The following COLEC11 variants were observed in gnomAD, a reference collection of about 807,000 sequenced individuals.
The protein encoded by COLEC11 is collectin subfamily member 11.
Under a neutral mutation model 27.3 loss-of-function variants are expected in COLEC11, and 20 were observed. The observed-to-expected ratio is 0.73, with a 90% CI of 0.51 to 1.06. The LOEUF (loss-of-function observed/expected upper bound fraction) is 1.06, where lower values mean the gene tolerates loss of function less well. Ranked by LOEUF, COLEC11 falls within the 50% of genes least tolerant of loss-of-function variation. The pLI is 0.00. For synonymous variants in COLEC11, 163 were observed against 154.7 expected, an observed-to-expected ratio of 1.05 and a Z score of -0.40; for missense variants, 310 against 383.0, an observed-to-expected ratio of 0.81 and a Z score of 1.59.
chr2:3,628,242 C>T (rs1265230919), intron 3 of COLEC11, among the ~76,000 whole-genome samples: 3 of 152,232 alleles, frequency 2.0e-5, no homozygotes, highest in Non-Finnish European at 2.9e-5. Context: ...CCTCCCTTCC[C>T]CAGGTGAAGC....
In COLEC11 at chr2:3,640,336, G is replaced by A. The variant is rs376807709; in HGVS notation, c.328+5G>A. On this transcript the variant is annotated splice_donor_5th_base_variant and intron_variant, in intron 5 of 6. Coordinates refer to ENST00000349077, the MANE Select transcript of COLEC11 (RefSeq NM_024027.5). ...CTGGTCCTAATGGAGAACCAGGTAT[G>A]GCATAAAGGGTCCAAGGATTTTTAA... The A allele has an allele frequency of 1.6e-5, 24 of 1,520,826 alleles. No individual in the cohort carries two copies. The highest frequency in any genetic ancestry group is 2.7e-5 in the African/African-American group (2 of 73,058). 94.2% of individuals were successfully genotyped at this position (1,520,826 alleles called of 1,614,324 possible). A position where few individuals can be genotyped will look rare whatever the true frequency, so the allele number is the denominator to read the frequency against.
At chr2:3,603,480 C>G in intron 1 of COLEC11, 1 of 636,140 alleles carries the variant, frequency 1.6e-6, no homozygotes, top group Non-Finnish European at 2.8e-6. Context: ...CCACACCCAG[C>G]TAATTTTTGT....
chr2:3,637,467 G>T (rs1267064504), intron 3 of COLEC11, 66 bp from the exon 4 acceptor site: 2 of 1,250,252 alleles, frequency 1.6e-6, no homozygotes, highest in Admixed American at 1.7e-5. Flanking sequence ...CCGTGCACGT[G>T]TGTGATGGAG....
chr2:3,626,157 C>T (rs1664537981), intron 3 of COLEC11: 1 of 1,291,880 alleles, frequency 7.7e-7, no homozygotes, highest in Admixed American at 1.7e-5. Context: ...GAATAGGCAA[C>T]CACTCTTCCC....
chr2:3,635,139 A>C (rs1665305662), intron 3 of COLEC11, among the ~76,000 whole-genome samples: 1 of 84,572 alleles, frequency 1.2e-5, no homozygotes, highest in African/African-American at 5.1e-5. Context: ...CCCTCTCCCA[A>C]CGTGCCCCGT....
At chr2:3,613,235 G>C in intron 2 of COLEC11, 76 bp from the exon 3 acceptor site, 2 of 1,489,734 alleles carry the variant, frequency 1.3e-6, no homozygotes, top group Admixed American at 3.9e-5. Flanking sequence ...GCTTCTAACT[G>C]TTCTTCCTCC....
At chr2:3,606,599 C>T (rs899728178) in intron 2 of COLEC11, among the ~76,000 whole-genome samples, 1 of 152,200 alleles carries the variant, frequency 6.6e-6, no homozygotes, top group African/African-American at 2.4e-5. Flanking sequence ...GCCCCTGCTC[C>T]TTGCTCTGGG....
At chr2:3,638,274 G>T (rs1665578802) in intron 4 of COLEC11, among the ~76,000 whole-genome samples, 2 of 152,244 alleles carry the variant, frequency 1.3e-5, no homozygotes, top group African/African-American at 4.8e-5. Context: ...CATCTGGTCA[G>T]TGGACGTCTT....
In COLEC11 at chr2:3,602,744, C is replaced by T. The variant is rs975928552; in HGVS notation, c.-26-1571C>T. ...TCCTGTCTCCTGTCCTCTGTGCCCA[C>T]CAGGCCAGCCCACCTCTCCCCGCAC... On this transcript the variant is annotated intron_variant, in intron 1 of 6. Transcript: ENST00000349077. This position sits in a 1 kb window ranked among gnomAD's most constrained non-coding sequence, Gnocchi z 6.2. Among the ~76,000 whole-genome samples the T allele has an allele frequency of 6.6e-6, 1 of 152,236 alleles. No individual in the cohort carries two copies. The highest frequency in any genetic ancestry group is 1.5e-5 in the Non-Finnish European group (1 of 68,036).
intron 3 of COLEC11, among the ~76,000 whole-genome samples, chr2:3,616,696 C>T (rs1052930035): frequency 3.3e-5 from 5 of 152,144 alleles, no homozygotes; most frequent in African/African-American, 7.2e-5. Context: ...TGCAGTGAGC[C>T]GAGATGGCAG....
intron 1 of COLEC11, chr2:3,601,975 A>T (rs1025312789): frequency 1.3e-5 from 2 of 152,178 alleles, no homozygotes; most frequent in Non-Finnish European, 2.9e-5. Context: ...CTTGACCTCC[A>T]CACATTTCTG....
At chr2:3,608,606 T>C (rs1200650040) in intron 2 of COLEC11, among the ~76,000 whole-genome samples, 1 of 152,104 alleles carries the variant, frequency 6.6e-6, no homozygotes, top group Non-Finnish European at 1.5e-5. Context: ...GAGGATGACT[T>C]GAGCCCAGGA....
chr2:3,640,439 TGTCACATCCCACAGTGGACACCCACCCCC>T (rs1665761440), intron 5 of COLEC11, 108 bp downstream of exon 5: 16 of 532,560 alleles, frequency 3.0e-5, no homozygotes, highest in African/African-American at 1.8e-4. Flanking sequence ...CACCCACCCC[TGTCACATCCCACAGTGGACACCCACCCCC>T]GTCACATCCC....
rs370993535 is a variant in COLEC11 at position 3,614,895 on chromosome 2, C to T, written c.202+1513C>T. 1.3e-4 allele frequency among the ~76,000 whole-genome samples: 20 copies of T among 152,198 alleles called. No homozygotes were observed. In the East Asian group the frequency reaches 2.9e-3, roughly 22 times the overall value. On this transcript the variant is annotated intron_variant, in intron 3 of 6. Coordinates refer to ENST00000349077, the MANE Select transcript of COLEC11 (RefSeq NM_024027.5). ...TATCACATACAAAGAATTAGGAATC[C>T]GAATAACATCAGTCTTCCCAATATT...
In COLEC11 at chr2:3,644,119, G is replaced by A. The variant is rs748080980; in HGVS notation, c.*1G>A. The A allele has an allele frequency of 1.2e-6, 2 of 1,609,008 alleles. No individual in the cohort carries two copies. The highest frequency in any genetic ancestry group is 3.3e-5 in the Admixed American group (2 of 60,034). On this transcript the variant is annotated 3_prime_UTR_variant, in exon 7 of 7. Transcript: ENST00000349077. Reference sequence around the variant, plus strand: ...TGAGTTTGACAAGGAGAACATGTGAGCCTCAGGCTGGGGCTGCCCATTGGG... The same window carrying A: ...TGAGTTTGACAAGGAGAACATGTGAACCTCAGGCTGGGGCTGCCCATTGGG...
chr2:3,637,044 C>T (rs1329655866), intron 3 of COLEC11, among the ~76,000 whole-genome samples: 2 of 152,132 alleles, frequency 1.3e-5, no homozygotes, highest in Non-Finnish European at 2.9e-5. Flanking sequence ...CTCAAGTTCA[C>T]ACACCCGAGA....
At chr2:3,633,456 G>T (rs138140785) in intron 3 of COLEC11, among the ~76,000 whole-genome samples, 1 of 152,206 alleles carries the variant, frequency 6.6e-6, no homozygotes, top group East Asian at 1.9e-4. Context: ...TGTCTCCGGC[G>T]AGTAGAGCTC....
chr2:3,616,850 T>C lies in COLEC11; in HGVS notation c.202+3468T>C, dbSNP rs1438740844. Among the ~76,000 whole-genome samples, 5 of 152,254 alleles carry C rather than the reference T, an allele frequency of 3.3e-5. No homozygotes were observed. In the East Asian group the frequency reaches 9.7e-4, roughly 29 times the overall value. On this transcript the variant is annotated intron_variant, in intron 3 of 6. Transcript: ENST00000349077. ...GAGGGAGAGGACTGGAACATTCTTA[T>C]TTCACTTAGCGTAATGCCCTCCAGG...
At chr2:3,642,791 C>T (rs1012151177) in intron 5 of COLEC11, among the ~76,000 whole-genome samples, 2 of 152,190 alleles carry the variant, frequency 1.3e-5, no homozygotes, top group African/African-American at 4.8e-5. Context: ...GGCCTGCCTT[C>T]CTCACTTCCT....
Sources: allele counts gnomAD v4.1 joint callset (sites outside exome capture counted in the v4.1 genomes callset), GRCh38; gene constraint gnomAD v4.1.1; non-coding constraint Gnocchi (gnomAD v3.1); transcripts MANE v1.5; gene names NCBI Gene and HGNC (gene_info 2026-07-23, HGNC 2026-07-21).